The following RABGAP1L variants were observed in gnomAD, a reference collection of about 807,000 sequenced individuals.
RABGAP1L encodes rab GTPase-activating protein 1-like.
In RABGAP1L, 63 loss-of-function variants were observed where a neutral mutation model predicts 137.7. That is an observed-to-expected ratio of 0.46 (90% CI 0.37 to 0.56). The LOEUF (loss-of-function observed/expected upper bound fraction) is 0.56, where lower values mean the gene tolerates loss of function less well. Among genes scored for constraint, RABGAP1L ranks in the 20% least tolerant of loss-of-function variants. The pLI is 0.00. For missense variants in RABGAP1L, 1,095 were observed against 1,244.0 expected (o/e 0.88, Z 1.80); for synonymous variants, 431 against 433.7 (o/e 0.99, Z 0.08).
At chr1:174,860,189 A>G (rs1650053868) in intron 19 of RABGAP1L, among the ~76,000 whole-genome samples, 1 of 152,132 alleles carries the variant, frequency 6.6e-6, no homozygotes, top group Admixed American at 6.5e-5. Context: ...TACGAAAATC[A>G]GGAAGGAGAT....
chr1:174,516,928 A>AAAAT (rs147145926), intron 13 of RABGAP1L, among the ~76,000 whole-genome samples: 26,203 of 140,958 alleles, frequency 0.19, 2,886 homozygotes, highest in East Asian at 0.52. Context: ...CTCTGTCTCA[A>AAAAT]AAATAAATAA....
intron 19 of RABGAP1L, among the ~76,000 whole-genome samples, chr1:174,901,272 T>C (rs1025160980): frequency 2.0e-5 from 3 of 152,178 alleles, no homozygotes; most frequent in African/African-American, 7.2e-5. Flanking sequence ...AAAGACATAC[T>C]CGAGACTAGA....
chr1:174,734,266 A>T (rs1305238237), intron 17 of RABGAP1L, among the ~76,000 whole-genome samples: 1 of 152,168 alleles, frequency 6.6e-6, no homozygotes, highest in Non-Finnish European at 1.5e-5. Flanking sequence ...CTATGTATTT[A>T]AAGCCACAAG....
At chr1:174,804,050 C>T (rs1427949019) in intron 18 of RABGAP1L, among the ~76,000 whole-genome samples, 3 of 150,874 alleles carry the variant, frequency 2.0e-5, no homozygotes, top group Non-Finnish European at 3.0e-5. Context: ...AATGAGATTC[C>T]GTCTAAAAAA....
chr1:174,907,050 T>C (rs1659210111), intron 19 of RABGAP1L, among the ~76,000 whole-genome samples: 1 of 151,830 alleles, frequency 6.6e-6, no homozygotes, highest in African/African-American at 2.4e-5. Flanking sequence ...AGCTTTCCCA[T>C]TTGAAAGAAG....
intron 18 of RABGAP1L, among the ~76,000 whole-genome samples, chr1:174,806,961 T>C (rs1009338173): frequency 6.6e-6 from 1 of 152,148 alleles, no homozygotes; most frequent in Non-Finnish European, 1.5e-5. Flanking sequence ...AATTTTTGTA[T>C]TTTTAGTAGA....
At chr1:174,575,265 A>G (rs1476260770) in intron 13 of RABGAP1L, among the ~76,000 whole-genome samples, 1 of 152,156 alleles carries the variant, frequency 6.6e-6, no homozygotes. Context: ...TCCAGATGGG[A>G]TAACTTTTTA....
intron 1 of RABGAP1L, among the ~76,000 whole-genome samples, chr1:174,213,801 TAAA>T (rs2148441927): frequency 6.6e-6 from 1 of 152,300 alleles, no homozygotes; most frequent in East Asian, 1.9e-4. Flanking sequence ...CGCTTCGTGA[TAAA>T]AACCCTTAAA....
At chr1:174,547,986 C>T in intron 13 of RABGAP1L, 2 of 1,550,426 alleles carry the variant, frequency 1.3e-6, no homozygotes, top group Non-Finnish European at 1.7e-6. Flanking sequence ...GTTTTAGTTC[C>T]TTTCCTGAGC....
At chr1:174,450,478 C>T (rs1392879588) in intron 13 of RABGAP1L, among the ~76,000 whole-genome samples, 1 of 151,996 alleles carries the variant, frequency 6.6e-6, no homozygotes, top group Non-Finnish European at 1.5e-5. Context: ...GAGAAAAATA[C>T]TTTTGTGTAA....
At chr1:174,239,196 C>T (rs1671558352) in intron 4 of RABGAP1L, among the ~76,000 whole-genome samples, 1 of 152,192 alleles carries the variant, frequency 6.6e-6, no homozygotes, top group South Asian at 2.1e-4. Flanking sequence ...GAACCCGGTA[C>T]CTCAGATGGA....
At chr1:174,462,068 G>A (rs1363327165) in intron 13 of RABGAP1L, among the ~76,000 whole-genome samples, 2 of 152,054 alleles carry the variant, frequency 1.3e-5, no homozygotes, top group African/African-American at 2.4e-5. Context: ...GCTTCTCTTG[G>A]TCTTGAACCA....
At chr1:174,881,492 CT>C (rs751296977) in intron 19 of RABGAP1L, among the ~76,000 whole-genome samples, 2,317 of 85,792 alleles carry the variant, frequency 0.027, 16 homozygotes, top group South Asian at 0.048. Flanking sequence ...ATATCATTTG[CT>C]TTTTTTTTTT....
chr1:174,797,320 G>A lies in RABGAP1L; in HGVS notation c.2212-14512G>A, dbSNP rs1233244759. Among the ~76,000 whole-genome samples the A allele has an allele frequency of 2.0e-5, 3 of 152,208 alleles. No individual in the cohort carries two copies. In the East Asian group the frequency reaches 5.8e-4, roughly 29 times the overall value. On this transcript the variant is annotated intron_variant, in intron 18 of 25. Transcript: ENST00000681986. ...TTCATTCACATTTAAGAGCAATTCA[G>A]GATGTTCCCTTGTTCTTAAATGTGA...
At chr1:174,384,953 A>G (rs573527032) in intron 12 of RABGAP1L, among the ~76,000 whole-genome samples, 17 of 152,316 alleles carry the variant, frequency 1.1e-4, no homozygotes, top group Non-Finnish European at 8.8e-5. Flanking sequence ...GGTTATACAT[A>G]GATTTATTTA....
At chr1:174,722,225 G>A (rs1681604443) in intron 17 of RABGAP1L, among the ~76,000 whole-genome samples, 1 of 152,100 alleles carries the variant, frequency 6.6e-6, no homozygotes, top group African/African-American at 2.4e-5. Context: ...ACCGCGCCTG[G>A]CCGATACTCA....
intron 14 of RABGAP1L, among the ~76,000 whole-genome samples, chr1:174,647,582 T>C (rs761974711): frequency 2.6e-5 from 4 of 152,152 alleles, no homozygotes; most frequent in Non-Finnish European, 5.9e-5. Flanking sequence ...GGATAAGCTT[T>C]TTCATTTGCT....
chr1:174,320,402 T>C (rs1679846168), intron 11 of RABGAP1L, among the ~76,000 whole-genome samples: 1 of 152,226 alleles, frequency 6.6e-6, no homozygotes, highest in Non-Finnish European at 1.5e-5. Context: ...TTTATGTACA[T>C]CATGTTAGCA....
intron 13 of RABGAP1L, among the ~76,000 whole-genome samples, chr1:174,611,825 A>G (rs543690611): frequency 6.6e-6 from 1 of 152,274 alleles, no homozygotes; most frequent in East Asian, 1.9e-4. Flanking sequence ...GCAATTGTGA[A>G]TGGGAGTTCA....
Sources: gnomAD v4.1 joint callset for allele counts (sites outside exome capture counted in the v4.1 genomes callset) on GRCh38, gnomAD v4.1.1 for gene constraint, MANE v1.5 for transcripts, NCBI Gene and HGNC (gene_info 2026-07-23, HGNC 2026-07-21) for gene names.